Variants in ARFGAP1 observed in about 807,000 individuals in gnomAD.
ARFGAP1 encodes the protein ARF GTPase activating protein 1.
A neutral mutation model predicts 54.0 loss-of-function variants in ARFGAP1; 26 were observed. The ratio of observed to expected loss-of-function variants is 0.48; its 90% CI spans 0.35 to 0.67. The LOEUF is 0.67. ARFGAP1 is among the 30% of genes least tolerant of loss of function. The pLI, the probability that ARFGAP1 is intolerant of heterozygous loss-of-function variation, is 0.00. For synonymous variants in ARFGAP1, 248 were observed against 211.9 expected, an observed-to-expected ratio of 1.17 and a Z score of -1.48; for missense variants, 525 against 535.8, an observed-to-expected ratio of 0.98 and a Z score of 0.20.
rs530640554 is a variant in ARFGAP1 at position 63,287,934 on chromosome 20, G to T, written c.*61G>T. On this transcript the variant is annotated 3_prime_UTR_variant, in exon 13 of 13. Transcript: ENST00000370283. ...GACTTCGTGTTTGCACTCTGCCCTCGTCGTTCCTCCTCCTTCCATTTGACC... is the reference window on the plus strand; with the variant it reads ...GACTTCGTGTTTGCACTCTGCCCTCTTCGTTCCTCCTCCTTCCATTTGACC... 5.7e-5 allele frequency: 82 copies of T among 1,435,990 alleles called. No individual in the cohort carries two copies. Among genetic ancestry groups the T allele is most frequent in the Non-Finnish European group, 7.2e-5 (79 of 1,090,204 alleles). The allele number at this position is 1,435,990 out of a possible 1,614,324, so 89.0% of individuals were successfully genotyped here.
chr20:63,286,401 C>T lies in ARFGAP1; in HGVS notation c.870C>T (p.Val290=), dbSNP rs146580267. 7.4e-5 allele frequency: 119 copies of T among 1,613,532 alleles called. 1 individual carries two copies. In the African/African-American group the frequency reaches 1.2e-3, roughly 16 times the overall value. Residue 290 remains valine (V), a synonymous_variant, in exon 12 of 13, where the codon GTC becomes GTT. Transcript: ENST00000370283. ...TCGGTAGTAAGGGATGGCGGGACGT[C>T]ACCACCTTTTTTTCGGGGAAAGCAG... The part of the protein sequence containing the change: ...QGVGSKGWRD[V]TTFFSGKAEG...
chr20:63,275,423 C>G lies in ARFGAP1; in HGVS notation c.-4-154C>G, dbSNP rs114739695. On this transcript the variant is annotated intron_variant, in intron 1 of 12. Transcript: ENST00000370283. ...TTCAGTAAGTGGTCCCTGCGGACCC[C>G]TGCTGCGAGTGGTCCTGTGACCGGG... 4.2e-3 allele frequency among the ~76,000 whole-genome samples: 646 copies of G among 152,304 alleles called. 5 individuals carry two copies. Among genetic ancestry groups the G allele is most frequent in the African/African-American group, 0.015 (620 of 41,562 alleles).
intron 1 of ARFGAP1, among the ~76,000 whole-genome samples, chr20:63,274,916 G>A (rs2067195198): frequency 2.0e-5 from 3 of 152,194 alleles, no homozygotes; most frequent in South Asian, 2.1e-4. Context: ...TAGGGTCCCC[G>A]TGAGTCACTG....
In ARFGAP1 at chr20:63,288,368, C is replaced by G. The variant is rs2067622895; in HGVS notation, c.*495C>G. 1 of 456,506 alleles carries G rather than the reference C, an allele frequency of 2.2e-6. No individual in the cohort carries two copies. Among genetic ancestry groups the G allele is most frequent in the South Asian group, 1.5e-5 (1 of 64,574 alleles). The allele number at this position is 456,506 out of a possible 1,614,324, so 28.3% of individuals were successfully genotyped here. A position where few individuals can be genotyped will look rare whatever the true frequency, so the allele number is the denominator to read the frequency against. On this transcript the variant is annotated 3_prime_UTR_variant, in exon 13 of 13. Coordinates refer to ENST00000370283, the MANE Select transcript of ARFGAP1 (RefSeq NM_018209.4). ...AAAGATGGAAATGCTGGAAATGATA[C>G]TGGCGCTCACGCTGCCATCCGACCA...
At position 63,279,309 on chromosome 20, in the gene ARFGAP1, G is replaced by A. The variant is rs1377194341; in HGVS notation, c.627+314G>A. ...CAACCTCTGCCTCCCAGGTTCAGGT[G>A]ATTCTCCTGCCTCAGCCTCCTGAGT... is the stretch of plus-strand genomic sequence containing the variant. On this transcript the variant is annotated intron_variant, in intron 7 of 12. Transcript: ENST00000370283. 1.1e-5 allele frequency: 5 copies of A among 459,406 alleles called. No homozygotes were observed. In the East Asian group the frequency reaches 2.8e-4, roughly 26 times the overall value. The allele number at this position is 459,406 out of a possible 1,614,324, so 28.5% of individuals were successfully genotyped here.
chr20:63,279,193 C>A, intron 7 of ARFGAP1, 198 bp downstream of exon 7: 4 of 662,198 alleles, frequency 6.0e-6, no homozygotes, highest in South Asian at 1.6e-5. Context: ...TGTATTCAAT[C>A]ACTTCCTTTT....
intron 8 of ARFGAP1, among the ~76,000 whole-genome samples, chr20:63,281,910 G>C (rs573907026): frequency 6.6e-6 from 1 of 152,144 alleles, no homozygotes; most frequent in African/African-American, 2.4e-5. Flanking sequence ...AGGGCAGCGC[G>C]GGGCAGCTGG....
At chr20:63,286,247 C>G in intron 11 of ARFGAP1, 119 bp from the exon 12 acceptor site, 1 of 1,556,178 alleles carries the variant, frequency 6.4e-7, no homozygotes, top group East Asian at 2.4e-5. Flanking sequence ...CCCCTTGTTT[C>G]TGGATTTTGC....
chr20:63,278,323 G>A (rs535945975), intron 6 of ARFGAP1, 120 bp downstream of exon 6: 153 of 999,964 alleles, frequency 1.5e-4, no homozygotes, highest in African/African-American at 1.4e-3. Flanking sequence ...CCAGGCATGC[G>A]CGGTGCAGGG....
At chr20:63,285,608 T>G in intron 10 of ARFGAP1, 46 bp from the exon 11 acceptor site, 1 of 1,596,192 alleles carries the variant, frequency 6.3e-7, no homozygotes, top group Non-Finnish European at 8.6e-7. Context: ...GCTTTAAGCT[T>G]TCATCTCTCC....
chr20:63,275,641 G>A lies in ARFGAP1; in HGVS notation c.60+1G>A, dbSNP rs1411789897. 4.3e-6 allele frequency: 7 copies of A among 1,613,744 alleles called. No homozygotes were observed. The highest frequency in any genetic ancestry group is 1.1e-5 in the South Asian group (1 of 91,078). ...AGTCAGGGTGCAGGATGAGAACAAC[G>A]TAAGCCTCTGCCCCCCACCCCCCGC... On this transcript the variant is annotated splice_donor_variant, in intron 2 of 12. Coordinates refer to ENST00000370283, the MANE Select transcript of ARFGAP1 (RefSeq NM_018209.4). LOFTEE classifies it high-confidence loss of function.
Position 63,277,251 on chromosome 20 carries a change from C to T in ARFGAP1, c.389C>T (p.Pro130Leu), listed in dbSNP as rs1226069479. 1.9e-6 allele frequency: 3 copies of T among 1,613,040 alleles called. No homozygotes were observed. Among genetic ancestry groups the T allele is most frequent in the African/African-American group, 2.7e-5 (2 of 74,906 alleles). Residue 130 changes from proline to leucine, a missense_variant, in exon 5 of 13, where the codon CCT becomes CTT. By Grantham distance (98) the Pro-to-Leu change is moderately conservative (BLOSUM62 -3). This residue lies in a region of ARFGAP1 where 466 missense variants were observed against 453.6 expected (regional missense o/e 1.03). Transcript: ENST00000370283. ...AGAGAGTGGTCTCTGGAGTCATCAC[C>T]TGCCCAGAACTGGACCCCACCTCAG... ...EGREWSLESSPAQNWTPPQPR... is the reference protein window; with the variant it reads ...EGREWSLESSLAQNWTPPQPR...
chr20:63,287,454 T>C, intron 12 of ARFGAP1, 110 bp from the exon 13 acceptor site: 1 of 1,050,922 alleles, frequency 9.5e-7, no homozygotes. Flanking sequence ...CCCTGAGCGC[T>C]GGCCTGGGAA....
At chr20:63,275,509 G>C in intron 1 of ARFGAP1, 68 bp from the exon 2 acceptor site, 1 of 1,470,628 alleles carries the variant, frequency 6.8e-7, no homozygotes. Flanking sequence ...TTTTTGGACA[G>C]ACGTTATTTT....
rs533924681 is a variant in ARFGAP1 at position 63,285,723 on chromosome 20, C to A, written c.834+10C>A. ...TCAGTTGGCGTCCAAGGTAGGGAGC[C>A]TGCCAGATACGCGGGCACAGTCGAA... On this transcript the variant is annotated intron_variant, in intron 11 of 12. Coordinates refer to ENST00000370283, the MANE Select transcript of ARFGAP1 (RefSeq NM_018209.4). The A allele has an allele frequency of 4.3e-5, 70 of 1,612,976 alleles. No homozygotes were observed. The South Asian group carries it at 7.1e-4, about 16-fold the overall frequency.
Position 63,289,550 on chromosome 20 carries a change from C to G in ARFGAP1, c.*1677C>G, listed in dbSNP as rs2067657508. 1 of 152,324 alleles carries G rather than the reference C, an allele frequency of 6.6e-6. No homozygotes were observed. Among genetic ancestry groups the G allele is most frequent in the African/African-American group, 2.4e-5 (1 of 41,458 alleles). 9.4% of individuals were successfully genotyped at this position (152,324 alleles called of 1,614,324 possible). A position where few individuals can be genotyped will look rare whatever the true frequency, so the allele number is the denominator to read the frequency against. ...CTCGGGGGTAGGGGGACGGCCCACT[C>G]TGCCCCAGGGAGTCCCTTTTGATGG... On this transcript the variant is annotated 3_prime_UTR_variant, in exon 13 of 13. Transcript: ENST00000370283.
chr20:63,285,059 A>G, intron 10 of ARFGAP1, 137 bp downstream of exon 10: 2 of 1,053,994 alleles, frequency 1.9e-6, no homozygotes, highest in South Asian at 2.8e-5. Context: ...CCTCTCCAGC[A>G]CAGGCGTCCT....
chr20:63,288,153 G>C lies in ARFGAP1; in HGVS notation c.*280G>C, dbSNP rs2067615533. On this transcript the variant is annotated 3_prime_UTR_variant, in exon 13 of 13. Coordinates refer to ENST00000370283, the MANE Select transcript of ARFGAP1 (RefSeq NM_018209.4). Reference sequence around the variant, plus strand: ...TCAAGGCCGGGGCTCTGCGTGGCTTGCTGGGAGGTGGGCTGCAGCACAGAG... The same window carrying C: ...TCAAGGCCGGGGCTCTGCGTGGCTTCCTGGGAGGTGGGCTGCAGCACAGAG... The C allele has an allele frequency of 3.4e-6, 2 of 591,024 alleles. No homozygotes were observed. 36.6% of individuals were successfully genotyped at this position (591,024 alleles called of 1,614,324 possible). A position where few individuals can be genotyped will look rare whatever the true frequency, so the allele number is the denominator to read the frequency against.
intron 2 of ARFGAP1, 151 bp downstream of exon 2, chr20:63,275,791 G>T: frequency 1.2e-6 from 1 of 807,722 alleles, no homozygotes; most frequent in East Asian, 2.7e-5. Flanking sequence ...GCTGGCTGGT[G>T]GCCTGGGTGG....
Sources: allele counts gnomAD v4.1 joint callset (sites outside exome capture counted in the v4.1 genomes callset), GRCh38; gene constraint gnomAD v4.1.1; regional missense constraint gnomAD v4.1.1; transcripts MANE v1.5; gene names NCBI Gene and HGNC (gene_info 2026-07-23, HGNC 2026-07-21).